Variants in RBFOX1 observed in about 807,000 individuals in gnomAD.
RBFOX1 encodes the protein RNA binding fox-1 homolog 1, also known as RNA binding protein fox-1 homolog 1.
A neutral mutation model predicts 57.7 loss-of-function variants in RBFOX1; 8 were observed. The ratio of observed to expected loss-of-function variants is 0.14; its 90% CI spans 0.08 to 0.25. RBFOX1 has a LOEUF of 0.25. RBFOX1 is among the 10% of genes least tolerant of loss of function. The pLI is 1.00. For missense variants in RBFOX1, 611 were observed against 548.5 expected, an observed-to-expected ratio of 1.11 and a Z score of -1.14; for synonymous variants, 326 against 222.4, an observed-to-expected ratio of 1.47 and a Z score of -4.15.
chr16:5,568,463 T>C (rs2151125104), intron 2 of RBFOX1, among the ~76,000 whole-genome samples: 1 of 152,302 alleles, frequency 6.6e-6, no homozygotes, highest in African/African-American at 2.4e-5. Flanking sequence ...CTGTATTTTT[T>C]GGTAATTTCA....
At chr16:5,968,691 T>C (rs2059901022) in intron 4 of RBFOX1, among the ~76,000 whole-genome samples, 1 of 152,194 alleles carries the variant, frequency 6.6e-6, no homozygotes, top group Non-Finnish European at 1.5e-5. Context: ...AGAACACTAT[T>C]TGCAGGTATA....
chr16:6,639,622 A>G (rs1027913256), intron 2 of RBFOX1, among the ~76,000 whole-genome samples: 9 of 152,362 alleles, frequency 5.9e-5, no homozygotes, highest in Middle Eastern at 3.4e-3. Context: ...CACGCCTGTA[A>G]TCCCAGCACT....
At chr16:6,429,873 C>T (rs551573666) in intron 2 of RBFOX1, among the ~76,000 whole-genome samples, 2 of 152,290 alleles carry the variant, frequency 1.3e-5, no homozygotes, top group South Asian at 2.1e-4. Context: ...CTTTGGGAGG[C>T]CGAGGTGGGT....
At position 6,809,981 on chromosome 16, in the gene RBFOX1, C is replaced by G. The variant is rs141967216; in HGVS notation, c.-16+155331C>G. On this transcript the variant is annotated intron_variant, in intron 3 of 15. Transcript: ENST00000550418. ...GATTGATATGATCAGACATCTAGAGCTTGTTCTCCTGGGTGTCTCTCTGAA... is the reference window on the plus strand; with the variant it reads ...GATTGATATGATCAGACATCTAGAGGTTGTTCTCCTGGGTGTCTCTCTGAA... Among the ~76,000 whole-genome samples the G allele has an allele frequency of 6.8e-4, 103 of 150,866 alleles. 1 individual carries two copies. The highest frequency in any genetic ancestry group is 2.5e-3 in the African/African-American group (101 of 41,104).
At chr16:7,535,523 T>G (rs1193377873) in intron 5 of RBFOX1, among the ~76,000 whole-genome samples, 1 of 152,206 alleles carries the variant, frequency 6.6e-6, no homozygotes, top group Non-Finnish European at 1.5e-5. Flanking sequence ...AAGGGAGGCC[T>G]TCCATGCTGG....
intron 1 of RBFOX1, among the ~76,000 whole-genome samples, chr16:6,133,379 T>C (rs2096643654): frequency 6.6e-6 from 1 of 152,204 alleles, no homozygotes; most frequent in Non-Finnish European, 1.5e-5. Context: ...ATCAGGCATG[T>C]GGCTGGCACT....
intron 4 of RBFOX1, among the ~76,000 whole-genome samples, chr16:7,120,395 T>C (rs2066852698): frequency 6.6e-6 from 1 of 151,970 alleles, no homozygotes; most frequent in African/African-American, 2.4e-5. Flanking sequence ...ATCTGGCTCT[T>C]TCAAAGCATA....
chr16:5,928,432 G>T (rs1045255740), intron 4 of RBFOX1, among the ~76,000 whole-genome samples: 2 of 151,846 alleles, frequency 1.3e-5, no homozygotes, highest in African/African-American at 4.8e-5. Flanking sequence ...AAAAGTATGT[G>T]AGATGATGGA....
chr16:7,138,430 A>G (rs774711777), intron 4 of RBFOX1, among the ~76,000 whole-genome samples: 2 of 152,160 alleles, frequency 1.3e-5, no homozygotes, highest in African/African-American at 4.8e-5. Flanking sequence ...CTTATTGGCA[A>G]CGTGGAGGCA....
At chr16:5,964,449 T>G (rs1036947632) in intron 4 of RBFOX1, among the ~76,000 whole-genome samples, 7 of 152,198 alleles carry the variant, frequency 4.6e-5, no homozygotes, top group African/African-American at 1.7e-4. Context: ...TATTGCACTT[T>G]ATTCACATTA....
intron 2 of RBFOX1, 111 bp downstream of exon 2, chr16:6,317,168 C>T (rs529932885): frequency 2.9e-6 from 3 of 1,038,952 alleles, no homozygotes; most frequent in Admixed American, 4.4e-5. Flanking sequence ...AAAAACTTTG[C>T]TGCCTGCCTA....
At chr16:5,834,127 C>A (rs1463578251) in intron 3 of RBFOX1, among the ~76,000 whole-genome samples, 1 of 152,176 alleles carries the variant, frequency 6.6e-6, no homozygotes, top group Admixed American at 6.5e-5. Flanking sequence ...GAAATTAAGA[C>A]AATTTTTCAA....
At chr16:6,071,138 C>A (rs2095832299) in intron 1 of RBFOX1, among the ~76,000 whole-genome samples, 1 of 152,070 alleles carries the variant, frequency 6.6e-6, no homozygotes, top group South Asian at 2.1e-4. Flanking sequence ...GCCTGGGTAA[C>A]ATGGTGAAAC....
chr16:5,538,757 G>C (rs139518501), intron 2 of RBFOX1, among the ~76,000 whole-genome samples: 1 of 151,880 alleles, frequency 6.6e-6, no homozygotes, highest in Admixed American at 6.6e-5. Context: ...CTCCCGAGTA[G>C]CTGGGACTAC....
intron 1 of RBFOX1, among the ~76,000 whole-genome samples, chr16:6,088,576 T>C (rs1222052115): frequency 6.6e-6 from 1 of 151,280 alleles, no homozygotes; most frequent in Non-Finnish European, 1.5e-5. Context: ...AACTCTGTGT[T>C]AGGCAGTATG....
intron 3 of RBFOX1, among the ~76,000 whole-genome samples, chr16:6,974,206 G>T (rs28627076): frequency 6.6e-6 from 1 of 151,952 alleles, no homozygotes; most frequent in Non-Finnish European, 1.5e-5. Context: ...TTGATTCCAT[G>T]TCTTTGCTTA....
At chr16:6,659,915 G>A (rs568480808) in intron 3 of RBFOX1, among the ~76,000 whole-genome samples, 39 of 152,192 alleles carry the variant, frequency 2.6e-4, no homozygotes, top group Admixed American at 4.6e-4. Context: ...GTAGATACAC[G>A]GGTTAGAAAT....
chr16:5,633,997 G>A (rs1860305), intron 3 of RBFOX1, among the ~76,000 whole-genome samples: 134,843 of 152,250 alleles, frequency 0.89, 60,154 homozygotes, highest in African/African-American at 0.93. Flanking sequence ...CTGTTAGCAA[G>A]CCCACCTTGA....
chr16:7,182,534 A>G (rs1459039188), intron 4 of RBFOX1, among the ~76,000 whole-genome samples: 1 of 152,248 alleles, frequency 6.6e-6, no homozygotes, highest in African/African-American at 2.4e-5. Flanking sequence ...TTATAGAAAT[A>G]TGGAAACAAG....
Sources: allele counts gnomAD v4.1 joint callset (sites outside exome capture counted in the v4.1 genomes callset), GRCh38; gene constraint gnomAD v4.1.1; transcripts MANE v1.5; gene names NCBI Gene and HGNC (gene_info 2026-07-23, HGNC 2026-07-21).